PDK1: variants seen among roughly 807,000 people sequenced by gnomAD.
PDK1 encodes [Pyruvate dehydrogenase (acetyl-transferring)] kinase isozyme 1, mitochondrial.
Under a neutral mutation model 54.2 loss-of-function variants are expected in PDK1, and 39 were observed. The ratio of observed to expected loss-of-function variants is 0.72; its 90% CI spans 0.56 to 0.94. PDK1 has a LOEUF of 0.94. Among genes scored for constraint, PDK1 ranks in the 40% least tolerant of loss-of-function variants. The pLI is 0.00. For missense variants in PDK1, 552 were observed against 566.0 expected, an observed-to-expected ratio of 0.98 and a Z score of 0.25; for synonymous variants, 221 against 207.1, an observed-to-expected ratio of 1.07 and a Z score of -0.58.
At chr2:172,697,161 G>T in the PDK1 span, among the ~76,000 whole-genome samples, 1 of 151,994 alleles carries the variant, frequency 6.6e-6, no homozygotes, top group Non-Finnish European at 1.5e-5. Context: ...CCCATTTGCT[G>T]CCTTAAGAAA....
the PDK1 span, among the ~76,000 whole-genome samples, chr2:172,657,452 C>T: frequency 0.048 from 1,966 of 40,840 alleles, 3 homozygotes; most frequent in Middle Eastern, 0.13. Context: ...TTAAATGATG[C>T]TTATATTTTT....
intron 5 of PDK1, among the ~76,000 whole-genome samples, chr2:172,566,644 C>G (rs1026767414): frequency 5.4e-5 from 8 of 148,124 alleles, no homozygotes; most frequent in African/African-American, 2.0e-4. Flanking sequence ...TGGCTTGAGC[C>G]TGGGAGTTGG....
chr2:172,674,906 G>C, the PDK1 span: 1 of 152,256 alleles, frequency 6.6e-6, no homozygotes, highest in Admixed American at 6.5e-5. Context: ...GGACTTCGCG[G>C]GCCCAGTTCC....
the PDK1 span, among the ~76,000 whole-genome samples, chr2:172,685,475 C>A: frequency 6.6e-6 from 1 of 152,180 alleles, no homozygotes; most frequent in South Asian, 2.1e-4. Context: ...AGTGAATAAA[C>A]CAGTAGACTA....
chr2:172,656,002 A>C, the PDK1 span, among the ~76,000 whole-genome samples: 9 of 152,352 alleles, frequency 5.9e-5, no homozygotes, highest in Admixed American at 2.6e-4. Flanking sequence ...AATAAAGATG[A>C]GTCATCTTTC....
chr2:172,643,650 G>C, the PDK1 span, among the ~76,000 whole-genome samples: 2 of 152,140 alleles, frequency 1.3e-5, no homozygotes, highest in African/African-American at 4.8e-5. Flanking sequence ...TTGTTGGGAA[G>C]GGGGACCTAG....
At chr2:172,584,364 TTGTAAC>T (rs2149270112) in intron 8 of PDK1, among the ~76,000 whole-genome samples, 1 of 151,774 alleles carries the variant, frequency 6.6e-6, no homozygotes, top group East Asian at 1.9e-4. Flanking sequence ...AAATGCTTCT[TTGTAAC>T]TGTTTTTTTT....
chr2:172,652,145 G>C, the PDK1 span, among the ~76,000 whole-genome samples: 1 of 152,192 alleles, frequency 6.6e-6, no homozygotes, highest in Non-Finnish European at 1.5e-5. Flanking sequence ...TCATCCCTGG[G>C]ATGCAAGGCT....
chr2:172,636,266 G>A, the PDK1 span, among the ~76,000 whole-genome samples: 1 of 152,212 alleles, frequency 6.6e-6, no homozygotes, highest in African/African-American at 2.4e-5. Context: ...TGTACAGGAA[G>A]TATGGCACTA....
the PDK1 span, among the ~76,000 whole-genome samples, chr2:172,679,566 T>G: frequency 6.6e-6 from 1 of 152,196 alleles, no homozygotes; most frequent in African/African-American, 2.4e-5. Flanking sequence ...TGGAAAACAT[T>G]TTTATAGCCT....
At chr2:172,703,766 CTTTTT>C in the PDK1 span, among the ~76,000 whole-genome samples, 13 of 89,114 alleles carry the variant, frequency 1.5e-4, no homozygotes, top group Admixed American at 2.6e-4. Flanking sequence ...TTCTTTCTTT[CTTTTT>C]TTTTTTTTTT....
At chr2:172,706,850 C>G in the PDK1 span, among the ~76,000 whole-genome samples, 1 of 152,296 alleles carries the variant, frequency 6.6e-6, no homozygotes, top group Admixed American at 6.5e-5. Context: ...GAAAGCCACT[C>G]CATTACTGGC....
the PDK1 span, among the ~76,000 whole-genome samples, chr2:172,651,644 T>C: frequency 1.3e-5 from 2 of 152,198 alleles, no homozygotes; most frequent in African/African-American, 4.8e-5. Context: ...ATATCACCGC[T>C]GATCCCACAG....
the PDK1 span, among the ~76,000 whole-genome samples, chr2:172,690,259 G>A: frequency 3.3e-5 from 5 of 150,436 alleles, no homozygotes; most frequent in South Asian, 2.1e-4. Context: ...AATGCTCATC[G>A]TCACTGATCA....
chr2:172,679,466 C>CAAA, the PDK1 span, among the ~76,000 whole-genome samples: 1 of 152,028 alleles, frequency 6.6e-6, no homozygotes, highest in South Asian at 2.1e-4. Context: ...ACAACAACAA[C>CAAA]AAAAGAATAT....
chr2:172,581,086 T>C (rs1042839245), intron 8 of PDK1, among the ~76,000 whole-genome samples: 5 of 152,180 alleles, frequency 3.3e-5, no homozygotes, highest in Non-Finnish European at 7.3e-5. Flanking sequence ...AATTATATGG[T>C]ATATAAATTA....
intron 5 of PDK1, 26 bp from the exon 6 acceptor site, chr2:172,566,830 T>C: frequency 1.3e-6 from 2 of 1,503,310 alleles, no homozygotes; most frequent in Non-Finnish European, 1.8e-6. Flanking sequence ...TTAAATCCTT[T>C]TTTGTTTTGT....
chr2:172,678,908 G>T, the PDK1 span: 1 of 152,234 alleles, frequency 6.6e-6, no homozygotes, highest in South Asian at 2.1e-4. Flanking sequence ...TTCATCAGAA[G>T]GGGGTCCGCA....
chr2:172,659,336 C>A, the PDK1 span, among the ~76,000 whole-genome samples: 1 of 152,196 alleles, frequency 6.6e-6, no homozygotes, highest in Non-Finnish European at 1.5e-5. Context: ...CAAGTAACTA[C>A]CCTAGCCCAA....
Sources: gnomAD v4.1 joint callset for allele counts (sites outside exome capture counted in the v4.1 genomes callset) on GRCh38, gnomAD v4.1.1 for gene constraint, MANE v1.5 for transcripts, NCBI Gene and HGNC (gene_info 2026-07-23, HGNC 2026-07-21) for gene names.